Variants in SORCS1 observed in about 807,000 individuals in gnomAD.
SORCS1 encodes sortilin related VPS10 domain containing receptor 1, also known as VPS10 domain-containing receptor SorCS1.
In SORCS1, 60 loss-of-function variants were observed where a neutral mutation model predicts 146.1. The observed-to-expected ratio is 0.41, with a 90% CI of 0.33 to 0.51. SORCS1 has a LOEUF of 0.51. Among genes scored for constraint, SORCS1 ranks in the 20% least tolerant of loss-of-function variants. SORCS1 has a pLI of 0.21. For missense variants in SORCS1, 1,352 were observed against 1,487.6 expected (o/e 0.91, Z 1.50); for synonymous variants, 637 against 584.0 (o/e 1.09, Z -1.31).
intron 2 of SORCS1, among the ~76,000 whole-genome samples, chr10:106,885,301 G>C (rs1476285605): frequency 6.6e-6 from 1 of 151,226 alleles, no homozygotes; most frequent in Non-Finnish European, 1.5e-5. Context: ...GGGGGAACTT[G>C]AAGAAAGGGG....
At chr10:106,672,702 A>C (rs1457937777) in intron 15 of SORCS1, among the ~76,000 whole-genome samples, 166 bp downstream of exon 15, 1 of 152,200 alleles carries the variant, frequency 6.6e-6, no homozygotes, top group Non-Finnish European at 1.5e-5. Flanking sequence ...ACAACAAGCT[A>C]TTAATGGTGA....
chr10:106,659,375 T>G (rs1379396368), intron 17 of SORCS1, among the ~76,000 whole-genome samples: 1 of 152,182 alleles, frequency 6.6e-6, no homozygotes, highest in Admixed American at 6.5e-5. Context: ...CTGGGACATA[T>G]GGCCACACAC....
At chr10:106,581,549 T>C (rs1356318282) in intron 24 of SORCS1, among the ~76,000 whole-genome samples, 4 of 152,042 alleles carry the variant, frequency 2.6e-5, no homozygotes, top group Non-Finnish European at 2.9e-5. Context: ...TGTGTATACA[T>C]ATATGCATAT....
intron 1 of SORCS1, among the ~76,000 whole-genome samples, chr10:107,046,405 A>T (rs1959451982): frequency 6.6e-6 from 1 of 152,054 alleles, no homozygotes; most frequent in Non-Finnish European, 1.5e-5. Context: ...TATATTTAAC[A>T]TATTTATGTT....
intron 6 of SORCS1, among the ~76,000 whole-genome samples, chr10:106,711,684 C>T (rs1163980536): frequency 1.3e-5 from 2 of 152,206 alleles, no homozygotes; most frequent in Non-Finnish European, 2.9e-5. Context: ...GGTGAAGCCA[C>T]CTCCAAAATT....
In SORCS1 at chr10:106,577,487, CTTTGCAA is replaced by C; in HGVS notation, c.3433_3439del (p.Leu1145GlufsTer34). On this transcript the variant is annotated frameshift_variant, in exon 26 of 26. Transcript: ENST00000263054. Reference sequence around the variant, plus strand: ...TGAAGGCGGAGTGGCGTGTCTTGCTCTTTGCAATCGGAGAGATGAGTCACCAGGTTGA... The same window carrying C: ...TGAAGGCGGAGTGGCGTGTCTTGCTCTCGGAGAGATGAGTCACCAGGTTGA... 1 of 1,487,314 alleles carries C rather than the reference CTTTGCAA, an allele frequency of 6.7e-7. No homozygotes were observed. The highest frequency in any genetic ancestry group is 2.9e-5 in the East Asian group (1 of 34,966). The allele number at this position is 1,487,314 out of a possible 1,614,324, so 92.1% of individuals were successfully genotyped here.
intron 20 of SORCS1, among the ~76,000 whole-genome samples, 178 bp from the exon 21 acceptor site, chr10:106,618,450 C>T (rs1367093417): frequency 2.6e-5 from 4 of 152,192 alleles, no homozygotes; most frequent in Middle Eastern, 3.4e-3. Flanking sequence ...AGAAAAGAGG[C>T]TATTGGAGCA....
At chr10:106,806,900 C>T (rs191248059) in intron 3 of SORCS1, among the ~76,000 whole-genome samples, 4 of 152,032 alleles carry the variant, frequency 2.6e-5, no homozygotes, top group Non-Finnish European at 4.4e-5. Flanking sequence ...TTCAACATCC[C>T]GCCTTACTCA....
At chr10:106,604,866 A>G (rs927518492) in intron 23 of SORCS1, among the ~76,000 whole-genome samples, 5 of 152,086 alleles carry the variant, frequency 3.3e-5, no homozygotes, top group African/African-American at 4.8e-5. Context: ...TGAACATTTT[A>G]CTCAAGGCCA....
At chr10:106,926,828 TACACACAC>T (rs869163147) in intron 2 of SORCS1, among the ~76,000 whole-genome samples, 1 of 29,642 alleles carries the variant, frequency 3.4e-5, no homozygotes, top group East Asian at 7.3e-4. Context: ...GGAATATATA[TACACACAC>T]ACACACACAC....
intron 4 of SORCS1, among the ~76,000 whole-genome samples, chr10:106,763,061 G>A (rs1240025686): frequency 6.6e-6 from 1 of 151,932 alleles, no homozygotes; most frequent in Non-Finnish European, 1.5e-5. Context: ...ATACCATTGT[G>A]GTGTGCCTAT....
At chr10:106,670,259 C>CA (rs1266024122) in intron 16 of SORCS1, among the ~76,000 whole-genome samples, 1 of 152,168 alleles carries the variant, frequency 6.6e-6, no homozygotes, top group Admixed American at 6.5e-5. Flanking sequence ...GACAACAAGC[C>CA]AAGGGCTTCA....
Position 106,629,331 on chromosome 10 carries a change from A to T in SORCS1, c.2533T>A (p.Tyr845Asn). 3.1e-6 allele frequency: 5 copies of T among 1,614,188 alleles called. No homozygotes were observed. The highest frequency in any genetic ancestry group is 4.2e-6 in the Non-Finnish European group (5 of 1,180,022). The change falls in exon 19 of 26, where the codon TAC becomes AAC. Residue 845 changes from tyrosine to asparagine, a missense_variant. Transcript: ENST00000263054. Reference protein sequence around the residue: ...VDFGDGIAVSYVNLSSMEDGI... With the variant: ...VDFGDGIAVSNVNLSSMEDGI... The stretch of plus-strand genomic sequence containing the variant: ...TCTTCCATGGAGCTGAGATTGACGT[A>T]AGACACCGCGATACCATCGCCAAAG...
intron 1 of SORCS1, among the ~76,000 whole-genome samples, chr10:107,108,456 T>C (rs1399312965): frequency 6.6e-6 from 1 of 152,030 alleles, no homozygotes; most frequent in Non-Finnish European, 1.5e-5. Context: ...AGAGTAGTGG[T>C]GAGGTGCCAC....
chr10:106,910,816 A>T (rs1283557575), intron 2 of SORCS1, among the ~76,000 whole-genome samples: 1 of 152,204 alleles, frequency 6.6e-6, no homozygotes, highest in Non-Finnish European at 1.5e-5. Context: ...TTTTTCTTTA[A>T]ATCAACGATA....
intron 3 of SORCS1, among the ~76,000 whole-genome samples, chr10:106,814,347 G>A (rs1947625835): frequency 6.6e-6 from 1 of 152,198 alleles, no homozygotes; most frequent in Non-Finnish European, 1.5e-5. Context: ...AGAGGGATCA[G>A]CCTGAAGAAC....
intron 1 of SORCS1, among the ~76,000 whole-genome samples, chr10:107,147,405 T>G (rs1422740927): frequency 6.6e-6 from 1 of 152,136 alleles, no homozygotes; most frequent in Non-Finnish European, 1.5e-5. Flanking sequence ...TGGAGCAGCA[T>G]GCTTTATCAA....
chr10:106,854,300 A>T (rs1229853925), intron 2 of SORCS1, among the ~76,000 whole-genome samples: 2 of 152,062 alleles, frequency 1.3e-5, no homozygotes, highest in African/African-American at 4.8e-5. Context: ...TTAGCATGGT[A>T]TATCATTCTC....
chr10:107,121,888 T>C (rs895082840), intron 1 of SORCS1, among the ~76,000 whole-genome samples: 1 of 152,292 alleles, frequency 6.6e-6, no homozygotes, highest in East Asian at 1.9e-4. Context: ...AATATTTTTA[T>C]CTCCATTTTC....
Sources: gnomAD v4.1 joint callset for allele counts (sites outside exome capture counted in the v4.1 genomes callset) on GRCh38, gnomAD v4.1.1 for gene constraint, MANE v1.5 for transcripts, NCBI Gene and HGNC (gene_info 2026-07-23, HGNC 2026-07-21) for gene names.